NFIA: variants seen among roughly 807,000 people sequenced by gnomAD.
The protein encoded by NFIA is nuclear factor 1 A-type.
Under a neutral mutation model 62.8 loss-of-function variants are expected in NFIA, and 8 were observed. The ratio of observed to expected loss-of-function variants is 0.13; its 90% CI spans 0.07 to 0.23. NFIA has a LOEUF of 0.23. NFIA is among the 10% of genes least tolerant of loss of function. The pLI, the probability that NFIA is intolerant of heterozygous loss-of-function variation, is 1.00. For missense variants in NFIA, 410 were observed against 642.1 expected, an observed-to-expected ratio of 0.64 and a Z score of 3.91; for synonymous variants, 235 against 238.1, an observed-to-expected ratio of 0.99 and a Z score of 0.12.
intron 2 of NFIA, among the ~76,000 whole-genome samples, chr1:61,167,846 C>T (rs956026488): frequency 6.6e-6 from 1 of 152,120 alleles, no homozygotes; most frequent in East Asian, 1.9e-4. Flanking sequence ...TTATTTTTAT[C>T]TCTGGTAGAT....
intron 10 of NFIA, among the ~76,000 whole-genome samples, chr1:61,428,013 G>A (rs1228816731): frequency 6.6e-6 from 1 of 152,138 alleles, no homozygotes; most frequent in East Asian, 1.9e-4. Flanking sequence ...TCAATGAGAG[G>A]GGGAAAACTG....
chr1:61,363,450 CA>C (rs1419622339), intron 6 of NFIA, among the ~76,000 whole-genome samples: 1 of 151,922 alleles, frequency 6.6e-6, no homozygotes, highest in Non-Finnish European at 1.5e-5. Flanking sequence ...ACTAAAAATA[CA>C]AAATTAGCTG....
chr1:61,314,699 C>T (rs2100355448), intron 3 of NFIA, among the ~76,000 whole-genome samples: 1 of 152,272 alleles, frequency 6.6e-6, no homozygotes, highest in South Asian at 2.1e-4. Flanking sequence ...TGTTGCCCCC[C>T]ATAAATTTGA....
upstream of NFIA, among the ~76,000 whole-genome samples, chr1:61,078,994 T>C (rs1646064840): frequency 6.6e-6 from 1 of 152,310 alleles, no homozygotes; most frequent in South Asian, 2.1e-4. Context: ...GGGAAGTGAA[T>C]GGAAAATAAT....
intron 3 of NFIA, among the ~76,000 whole-genome samples, chr1:61,320,634 GTATCT>G (rs3067397): frequency 0.52 from 79,612 of 151,754 alleles, 22,912 homozygotes; most frequent in South Asian, 0.7. Flanking sequence ...TCAGTGTTGA[GTATCT>G]TAAAATTAGC....
chr1:61,165,440 A>G (rs1041344861), intron 2 of NFIA, among the ~76,000 whole-genome samples: 2 of 152,234 alleles, frequency 1.3e-5, no homozygotes, highest in African/African-American at 4.8e-5. Flanking sequence ...TTGAAGTGCT[A>G]CCAAACCACG....
At chr1:61,194,916 A>G (rs1280746198) in intron 2 of NFIA, among the ~76,000 whole-genome samples, 1 of 152,124 alleles carries the variant, frequency 6.6e-6, no homozygotes. Context: ...AGCTCTTTTC[A>G]TTTTCAAAGA....
intron 2 of NFIA, among the ~76,000 whole-genome samples, chr1:61,275,499 T>A (rs933004065): frequency 2.6e-5 from 4 of 152,188 alleles, no homozygotes; most frequent in African/African-American, 7.2e-5. Context: ...ATAAAACTAT[T>A]TTCCATTTAT....
chr1:61,334,944 T>C (rs1379942968), intron 4 of NFIA, among the ~76,000 whole-genome samples: 1 of 152,074 alleles, frequency 6.6e-6, no homozygotes, highest in Non-Finnish European at 1.5e-5. Context: ...CTCTGGTCAG[T>C]CTAAGATAGC....
chr1:61,077,586 G>T, upstream of NFIA: 1 of 1,367,600 alleles, frequency 7.3e-7, no homozygotes. Context: ...CAATTCGTCT[G>T]AGCATTTTAA....
In NFIA at chr1:61,271,845, A is replaced by AT. The variant is rs541349771; in HGVS notation, c.560-5671dup. Among the ~76,000 whole-genome samples the AT allele has an allele frequency of 2.0e-4, 30 of 152,330 alleles. No homozygotes were observed. In the East Asian group the frequency reaches 5.6e-3, roughly 28 times the overall value. ...TTGCTGGGAAAGTTATAAAGATGAA[A>AT]TTTTGTATTTAAAATCCAGTAATGA... On this transcript the variant is annotated intron_variant, in intron 2 of 10. Coordinates refer to ENST00000403491, the MANE Select transcript of NFIA (RefSeq NM_001134673.4).
At chr1:61,328,005 A>G (rs1319128408) in intron 3 of NFIA, among the ~76,000 whole-genome samples, 1 of 151,736 alleles carries the variant, frequency 6.6e-6, no homozygotes, top group Non-Finnish European at 1.5e-5. Flanking sequence ...CATTTCCCTG[A>G]TGATTAGTGA....
chr1:61,107,742 T>G (rs1228392260), intron 2 of NFIA, among the ~76,000 whole-genome samples: 1 of 151,742 alleles, frequency 6.6e-6, no homozygotes, highest in Non-Finnish European at 1.5e-5. Flanking sequence ...ATATCCTTTT[T>G]TACTCCAAGT....
chr1:61,433,299 T>G (rs1022289843), intron 10 of NFIA, among the ~76,000 whole-genome samples: 1 of 152,196 alleles, frequency 6.6e-6, no homozygotes, highest in African/African-American at 2.4e-5. Context: ...CCTTTACTAA[T>G]GATATTAGTC....
intron 10 of NFIA, among the ~76,000 whole-genome samples, chr1:61,454,073 A>C (rs1427797495): frequency 2.0e-5 from 3 of 152,194 alleles, no homozygotes; most frequent in Non-Finnish European, 4.4e-5. Context: ...TGGGGACCAA[A>C]TGAGTCCTTA....
At position 61,082,594 on chromosome 1, in the gene NFIA, C is replaced by T; in HGVS notation, c.-198C>T. The T allele has an allele frequency of 6.7e-7, 1 of 1,486,556 alleles. No individual in the cohort carries two copies. The highest frequency in any genetic ancestry group is 2.5e-5 in the East Asian group (1 of 39,732). 92.1% of individuals were successfully genotyped at this position (1,486,556 alleles called of 1,614,324 possible). A position where few individuals can be genotyped will look rare whatever the true frequency, so the allele number is the denominator to read the frequency against. ...AGTTCAGCTCATGGAGCGGCAATAG[C>T]GCTGGCTGGCTGGCTGCAGTTGAGC... is the stretch of plus-strand genomic sequence containing the variant. On this transcript the variant is annotated 5_prime_UTR_variant, in exon 1 of 11. Transcript: ENST00000403491.
At chr1:61,307,185 T>C (rs1659847858) in intron 3 of NFIA, among the ~76,000 whole-genome samples, 1 of 152,150 alleles carries the variant, frequency 6.6e-6, no homozygotes, top group Non-Finnish European at 1.5e-5. Context: ...AAAATTCATA[T>C]GTTGAAATCC....
At chr1:61,151,508 G>T (rs17121702) in intron 2 of NFIA, among the ~76,000 whole-genome samples, 3,080 of 152,132 alleles carry the variant, frequency 0.02, 65 homozygotes, top group East Asian at 0.093. Context: ...GGTTGAGGAG[G>T]TCAGAGTCTT....
chr1:61,105,965 A>G (rs892637263), intron 2 of NFIA, among the ~76,000 whole-genome samples: 11 of 151,772 alleles, frequency 7.2e-5, no homozygotes, highest in Admixed American at 2.6e-4. Flanking sequence ...TGGTTAAAAA[A>G]AAATTGTTTT....
Sources: allele counts gnomAD v4.1 joint callset (sites outside exome capture counted in the v4.1 genomes callset), GRCh38; gene constraint gnomAD v4.1.1; transcripts MANE v1.5; gene names NCBI Gene and HGNC (gene_info 2026-07-23, HGNC 2026-07-21).